SOX5: variants seen among roughly 807,000 people sequenced by gnomAD.
The protein encoded by SOX5 is transcription factor SOX-5.
SOX5 carries 9 observed loss-of-function variants against 92.0 expected under a neutral mutation model. That is an observed-to-expected ratio of 0.10 (90% CI 0.06 to 0.17). The LOEUF (loss-of-function observed/expected upper bound fraction) is 0.17. Among genes scored for constraint, SOX5 ranks in the 10% least tolerant of loss-of-function variants. The pLI is 1.00. For synonymous variants in SOX5, 344 were observed against 336.3 expected, an observed-to-expected ratio of 1.02 and a Z score of -0.25; for missense variants, 642 against 944.5, an observed-to-expected ratio of 0.68 and a Z score of 4.20.
chr12:23,776,545 G>A (rs1430813129), intron 3 of SOX5, among the ~76,000 whole-genome samples: 2 of 152,188 alleles, frequency 1.3e-5, no homozygotes, highest in African/African-American at 2.4e-5. Context: ...TGACAAGGAA[G>A]GAGTATTTGA....
Position 24,393,661 on chromosome 12 carries a change from A to C in SOX5, c.-250-25022T>G, listed in dbSNP as rs1312855552. Reference sequence around the variant, plus strand: ...CTTTAAGACATGGCCCTTGTCATGGAAACTAGTGCTTAATGTAGAAATTAT... The same window carrying C: ...CTTTAAGACATGGCCCTTGTCATGGCAACTAGTGCTTAATGTAGAAATTAT... On this transcript the variant is annotated intron_variant, in intron 1 of 4. Coordinates refer to the SOX5 transcript ENST00000446891. The surrounding 1 kb of genome is among the most constrained non-coding windows in gnomAD (Gnocchi z 5.0). Among the ~76,000 whole-genome samples the C allele has an allele frequency of 6.6e-6, 1 of 152,228 alleles. No individual in the cohort carries two copies. The highest frequency in any genetic ancestry group is 1.5e-5 in the Non-Finnish European group (1 of 68,028).
At chr12:24,536,274 T>C (rs1346092571) in intron 1 of SOX5, among the ~76,000 whole-genome samples, 1 of 152,188 alleles carries the variant, frequency 6.6e-6, no homozygotes, top group Non-Finnish European at 1.5e-5. Context: ...AAATGCCAGT[T>C]AAACAAAAGG....
intron 2 of SOX5, among the ~76,000 whole-genome samples, chr12:24,325,995 G>T (rs1386699887): frequency 6.6e-6 from 1 of 152,150 alleles, no homozygotes; most frequent in African/African-American, 2.4e-5. Context: ...GTCCATTCTG[G>T]TTCAAGCATT....
In SOX5 at chr12:24,492,237, C is replaced by T. The variant is rs150483857; in HGVS notation, c.-251+70092G>A. 8.5e-5 allele frequency among the ~76,000 whole-genome samples: 13 copies of T among 152,228 alleles called. No individual in the cohort carries two copies. In the East Asian group the frequency reaches 2.3e-3, roughly 27 times the overall value. ...GGTAGTACCAACGAAAGCTCAACAA[C>T]AGAAATAGCTGTTGATTTTGGTAAC... On this transcript the variant is annotated intron_variant, in intron 1 of 4. Coordinates refer to the SOX5 transcript ENST00000446891.
intron 1 of SOX5, among the ~76,000 whole-genome samples, chr12:23,941,771 T>C (rs1031225862): frequency 2.0e-5 from 3 of 151,474 alleles, no homozygotes; most frequent in Non-Finnish European, 3.0e-5. Context: ...CACCAGTTCA[T>C]TCCGTTCTAC....
At position 24,415,687 on chromosome 12, in the gene SOX5, A is replaced by G. The variant is rs1478027719; in HGVS notation, c.-250-47048T>C. Among the ~76,000 whole-genome samples the G allele has an allele frequency of 4.6e-5, 7 of 152,324 alleles. No homozygotes were observed. In the East Asian group the frequency reaches 1.4e-3, roughly 29 times the overall value. ...TAAATAAGATGAAATTTCAGGTCCT[A>G]ATATTACTGTCATAGACAGTCTCAA... On this transcript the variant is annotated intron_variant, in intron 1 of 4. Transcript: ENST00000446891.
At chr12:24,205,461 G>T (rs1156533068) in intron 4 of SOX5, among the ~76,000 whole-genome samples, 1 of 152,114 alleles carries the variant, frequency 6.6e-6, no homozygotes, top group Non-Finnish European at 1.5e-5. Flanking sequence ...TATAGATGAG[G>T]AAACAAAGGC....
intron 4 of SOX5, among the ~76,000 whole-genome samples, chr12:24,039,618 T>C (rs1194832262): frequency 6.6e-6 from 1 of 152,182 alleles, no homozygotes; most frequent in African/African-American, 2.4e-5. Flanking sequence ...GGTTGCAAAA[T>C]GGTAAAATAT....
chr12:23,784,775 G>A (rs1681181980), intron 3 of SOX5, among the ~76,000 whole-genome samples: 1 of 152,104 alleles, frequency 6.6e-6, no homozygotes. Context: ...TTTCTTCATG[G>A]CATCAGAAAA....
intron 6 of SOX5, among the ~76,000 whole-genome samples, chr12:23,715,821 A>AAAAAAAAAAC (rs2092452850): frequency 2.8e-5 from 4 of 143,050 alleles, no homozygotes; most frequent in African/African-American, 8.4e-5. Context: ...AAAAAAAAAA[A>AAAAAAAAAAC]AAAAAAAAAA....
At chr12:24,214,085 T>A (rs1958964801) in intron 3 of SOX5, among the ~76,000 whole-genome samples, 1 of 152,096 alleles carries the variant, frequency 6.6e-6, no homozygotes, top group African/African-American at 2.4e-5. Flanking sequence ...TGTATATGTA[T>A]AAATTTATGA....
At chr12:24,433,840 C>T (rs550912674) in intron 1 of SOX5, among the ~76,000 whole-genome samples, 14 of 152,144 alleles carry the variant, frequency 9.2e-5, no homozygotes, top group South Asian at 4.2e-4. Flanking sequence ...GCCATGGGTG[C>T]GGATGAGCAG....
At chr12:24,395,944 A>C (rs557202244) in intron 1 of SOX5, among the ~76,000 whole-genome samples, 1 of 152,256 alleles carries the variant, frequency 6.6e-6, no homozygotes, top group South Asian at 2.1e-4. Context: ...TGCCCTCTTT[A>C]TCTCTAAGAA....
chr12:24,395,431 C>T (rs1959671856), intron 1 of SOX5, among the ~76,000 whole-genome samples: 1 of 152,130 alleles, frequency 6.6e-6, no homozygotes, highest in South Asian at 2.1e-4. Flanking sequence ...TATTCTTTCC[C>T]AATTGCTCTC....
At chr12:24,562,441 T>C (rs1049531597) in exon 1 of SOX5, 4 of 152,354 alleles carry the variant, frequency 2.6e-5, no homozygotes, top group African/African-American at 9.7e-5. Context: ...GGCTCGCCTT[T>C]TTCACTCTGT....
At position 23,740,882 on chromosome 12, in the gene SOX5, C is replaced by T. The variant is rs765602417; in HGVS notation, c.726G>A (p.Lys242=). Residue 242 remains lysine, a synonymous_variant, in exon 5 of 15, where the codon AAG becomes AAA. Coordinates refer to ENST00000451604, the MANE Select transcript of SOX5 (RefSeq NM_006940.6). ...EKQRQQMELA[K]QQQEQIARQQ... ...TCTTACTCACTTGTTCTTGTTGCTG[C>T]TTGGCCAGCTCCATTTGCTGACGCT... 9.3e-6 allele frequency: 15 copies of T among 1,610,982 alleles called. No individual in the cohort carries two copies. The South Asian group carries it at 1.7e-4, about 18-fold the overall frequency.
chr12:23,838,768 T>C (rs1700592559), intron 3 of SOX5, among the ~76,000 whole-genome samples: 1 of 151,132 alleles, frequency 6.6e-6, no homozygotes, highest in Non-Finnish European at 1.5e-5. Flanking sequence ...GCGCTATTGC[T>C]CTATTTCTTC....
intron 2 of SOX5, among the ~76,000 whole-genome samples, chr12:24,365,641 T>C (rs1487021430): frequency 8.3e-6 from 1 of 120,460 alleles, no homozygotes; most frequent in Non-Finnish European, 1.9e-5. Context: ...GATATAATTA[T>C]TGAAAATGAT....
intron 9 of SOX5, among the ~76,000 whole-genome samples, chr12:23,585,922 G>A (rs565300113): frequency 6.6e-6 from 1 of 151,978 alleles, no homozygotes; most frequent in Admixed American, 6.6e-5. Flanking sequence ...AAAGATTCAC[G>A]GGCTATGTAA....
Sources: allele counts gnomAD v4.1 joint callset (sites outside exome capture counted in the v4.1 genomes callset), GRCh38; gene constraint gnomAD v4.1.1; non-coding constraint Gnocchi (gnomAD v3.1); transcripts MANE v1.5; gene names NCBI Gene and HGNC (gene_info 2026-07-23, HGNC 2026-07-21).